The following MYO5B variants were observed in gnomAD, a reference collection of about 807,000 sequenced individuals.
MYO5B encodes the protein unconventional myosin-Vb.
In MYO5B, 143 loss-of-function variants were observed where a neutral mutation model predicts 229.3. The ratio of observed to expected loss-of-function variants is 0.62; its 90% CI spans 0.54 to 0.72. The LOEUF (loss-of-function observed/expected upper bound fraction) is 0.72. Among genes scored for constraint, MYO5B ranks in the 30% least tolerant of loss-of-function variants. The probability of loss-of-function intolerance (pLI) is 0.00; values close to 1 mark genes in which losing one functional copy is unlikely to be tolerated. For missense variants in MYO5B, 2,321 were observed against 2,331.0 expected, an observed-to-expected ratio of 1.00 and a Z score of 0.09; for synonymous variants, 918 against 885.2, an observed-to-expected ratio of 1.04 and a Z score of -0.66.
rs1306404214 is a variant in MYO5B at position 49,843,400 on chromosome 18, C to T, written c.4460-8G>A. 6.2e-7 allele frequency: 1 copy of T among 1,613,986 alleles called. No individual in the cohort carries two copies. The highest frequency in any genetic ancestry group is 8.5e-7 in the Non-Finnish European group (1 of 1,180,030). On this transcript the variant is annotated splice_polypyrimidine_tract_variant and splice_region_variant and intron_variant, in intron 33 of 39. Coordinates refer to ENST00000285039, the MANE Select transcript of MYO5B (RefSeq NM_001080467.3). ...GCATCTGGGGCTTCAAGTCTAAGGG[C>T]AACGAGAGCAGCAAATGGCAAGTTA...
At chr18:50,143,380 C>T (rs1599053050) in intron 1 of MYO5B, among the ~76,000 whole-genome samples, 1 of 152,198 alleles carries the variant, frequency 6.6e-6, no homozygotes, top group African/African-American at 2.4e-5. Flanking sequence ...GTAGGCAGGA[C>T]CCAGGAGGCC....
At chr18:50,105,054 T>C (rs926922616) in intron 1 of MYO5B, among the ~76,000 whole-genome samples, 2 of 138,974 alleles carry the variant, frequency 1.4e-5, no homozygotes, top group Non-Finnish European at 3.0e-5. Flanking sequence ...ACTTGGCTTC[T>C]GGAGTTTTAG....
At chr18:50,177,914 G>A (rs2033019792) in intron 1 of MYO5B, among the ~76,000 whole-genome samples, 1 of 152,148 alleles carries the variant, frequency 6.6e-6, no homozygotes, top group South Asian at 2.1e-4. Context: ...GCAGTAGAGG[G>A]GTGCCACAGC....
intron 1 of MYO5B, among the ~76,000 whole-genome samples, chr18:50,111,881 C>T (rs1315362063): frequency 2.6e-5 from 4 of 152,200 alleles, no homozygotes. Flanking sequence ...GCACATGAGT[C>T]ACCTGGAGAC....
Position 49,839,493 on chromosome 18 carries a change from A to C in MYO5B, c.4702-199T>G, listed in dbSNP as rs2024031204. 5 of 632,114 alleles carry C rather than the reference A, an allele frequency of 7.9e-6. No homozygotes were observed. In the South Asian group the frequency reaches 8.8e-5, roughly 11 times the overall value. The allele number at this position is 632,114 out of a possible 1,614,324, so 39.2% of individuals were successfully genotyped here. On this transcript the variant is annotated intron_variant, in intron 35 of 39. Transcript: ENST00000285039. ...ACCCTTGAACTTGAAGGATGTAGAA[A>C]AACTCAACATGAGAGAGAAAGCCTG...
chr18:50,157,130 G>C (rs562878181), intron 1 of MYO5B, among the ~76,000 whole-genome samples: 83 of 151,770 alleles, frequency 5.5e-4, no homozygotes, highest in Non-Finnish European at 1.1e-3. Flanking sequence ...TGGGGGGACG[G>C]AGTCTCGCTC....
intron 1 of MYO5B, among the ~76,000 whole-genome samples, chr18:50,156,336 T>C (rs1442704844): frequency 6.6e-6 from 1 of 152,194 alleles, no homozygotes; most frequent in Non-Finnish European, 1.5e-5. Context: ...ATAGTTCCCA[T>C]AATCCCCCCG....
intron 1 of MYO5B, among the ~76,000 whole-genome samples, chr18:50,188,059 T>C (rs774203483): frequency 3.3e-5 from 5 of 152,226 alleles, no homozygotes; most frequent in Non-Finnish European, 7.3e-5. Flanking sequence ...TATGACATGT[T>C]AACACTGGAG....
Position 49,984,778 on chromosome 18 carries a change from T to G in MYO5B, c.886A>C (p.Ile296Leu). 6.2e-7 allele frequency: 1 copy of G among 1,613,988 alleles called. No individual in the cohort carries two copies. Among genetic ancestry groups the G allele is most frequent in the Non-Finnish European group, 8.5e-7 (1 of 1,179,852 alleles). ...FYTSQGGDTS[I>L]EGVDDAEDFE... is the part of the protein sequence containing the mutation. ...TCCTCAGCATCGTCCACACCCTCGA[T>G]GGAAGTGTCTCCTCCCTGTGATGTA... Residue 296 changes from isoleucine (I) to leucine (L), a missense_variant, in exon 8 of 40, where the codon ATC (isoleucine) becomes CTC (leucine). Physicochemically the swap from Ile to Leu is conservative, Grantham distance 5. Around this residue, in one of 2 missense-constraint regions of MYO5B, gnomAD observed 2,113 missense variants for 2,044.7 expected, o/e 1.03. Coordinates refer to ENST00000285039, the MANE Select transcript of MYO5B (RefSeq NM_001080467.3).
chr18:49,938,683 AC>A (rs2025278372), intron 14 of MYO5B, among the ~76,000 whole-genome samples: 1 of 151,830 alleles, frequency 6.6e-6, no homozygotes, highest in African/African-American at 2.4e-5. Context: ...GATCCCACTC[AC>A]CCCTCTCAGA....
intron 3 of MYO5B, among the ~76,000 whole-genome samples, chr18:50,039,601 G>A (rs2144388927): frequency 6.6e-6 from 1 of 152,306 alleles, no homozygotes; most frequent in Non-Finnish European, 1.5e-5. Context: ...AAAGTGCTGG[G>A]ATTACAGGCG....
chr18:49,870,763 AT>A (rs2024447306), intron 27 of MYO5B, among the ~76,000 whole-genome samples: 1 of 152,188 alleles, frequency 6.6e-6, no homozygotes, highest in South Asian at 2.1e-4. Flanking sequence ...TATCAAAAAA[AT>A]AAATAAATAA....
chr18:49,897,733 T>C (rs911896083), intron 21 of MYO5B, among the ~76,000 whole-genome samples: 5 of 152,232 alleles, frequency 3.3e-5, no homozygotes, highest in African/African-American at 1.2e-4. Flanking sequence ...CCAAGGTTAA[T>C]TATTGAAGAA....
chr18:49,962,903 G>A, intron 11 of MYO5B, 46 bp downstream of exon 11: 4 of 1,499,514 alleles, frequency 2.7e-6, no homozygotes, highest in Middle Eastern at 1.7e-4. Flanking sequence ...CCTCCCAGAG[G>A]AGTCCCCCCA....
chr18:50,101,346 C>G (rs999588371), intron 1 of MYO5B, among the ~76,000 whole-genome samples: 3 of 152,162 alleles, frequency 2.0e-5, no homozygotes, highest in Non-Finnish European at 4.4e-5. Context: ...GAGGCACCAG[C>G]CAGGTATCCC....
chr18:49,960,300 A>G (rs1015965620), intron 12 of MYO5B, among the ~76,000 whole-genome samples: 3 of 152,296 alleles, frequency 2.0e-5, no homozygotes, highest in Admixed American at 6.5e-5. Context: ...CTCACCCTGC[A>G]AAGTATCTGA....
Position 50,004,629 on chromosome 18 carries a change from G to C in MYO5B, c.456-3218C>G, listed in dbSNP as rs527296433. On this transcript the variant is annotated intron_variant, in intron 4 of 39. Transcript: ENST00000285039. ...CACTTCCCTCCCTAGCCTAGGGTAG[G>C]GCTGGGCATGTGCCTGTAGTCCCAG... 3.4e-4 allele frequency among the ~76,000 whole-genome samples: 52 copies of C among 152,128 alleles called. 1 individual carries two copies. The highest frequency in any genetic ancestry group is 6.6e-4 in the Non-Finnish European group (45 of 68,022).
intron 1 of MYO5B, among the ~76,000 whole-genome samples, chr18:50,156,181 T>G (rs2032675286): frequency 1.3e-5 from 2 of 152,162 alleles, no homozygotes; most frequent in Admixed American, 1.3e-4. Flanking sequence ...AAAATCAACT[T>G]CTAGGGAACA....
At chr18:49,962,450 C>A (rs1428312560) in intron 11 of MYO5B, 44 bp from the exon 12 acceptor site, 1 of 1,613,542 alleles carries the variant, frequency 6.2e-7, no homozygotes, top group East Asian at 2.2e-5. Context: ...GCAGGCACAC[C>A]TTAACATTCA....
Sources: allele counts gnomAD v4.1 joint callset (sites outside exome capture counted in the v4.1 genomes callset), GRCh38; gene constraint gnomAD v4.1.1; regional missense constraint gnomAD v4.1.1; transcripts MANE v1.5; gene names NCBI Gene and HGNC (gene_info 2026-07-23, HGNC 2026-07-21).